Variants in SOAT1 observed in about 807,000 individuals in gnomAD.
SOAT1 encodes acyl-coenzyme A:cholesterol acyltransferase 1.
SOAT1 carries 55 observed loss-of-function variants against 69.5 expected under a neutral mutation model. The ratio of observed to expected loss-of-function variants is 0.79; its 90% CI spans 0.64 to 0.99. SOAT1 has a LOEUF of 0.99. Ranked by LOEUF, SOAT1 falls within the 50% of genes least tolerant of loss-of-function variation. SOAT1 has a pLI of 0.00. For missense variants in SOAT1, 580 were observed against 669.3 expected (o/e 0.87, Z 1.47); for synonymous variants, 231 against 224.7 (o/e 1.03, Z -0.25).
At chr1:179,333,995 A>G (rs192747706) in intron 3 of SOAT1, among the ~76,000 whole-genome samples, 2 of 152,374 alleles carry the variant, frequency 1.3e-5, no homozygotes, top group African/African-American at 4.8e-5. Context: ...GGCCTGTGCT[A>G]TACCAAGGCT....
Position 179,351,310 on chromosome 1 carries a change from T to C in SOAT1, c.1451-7T>C. ...TGTATATTTCTTTGTTGCCTTCCTA[T>C]TTTTAGTGGCTTTCAACTTCATTGT... On this transcript the variant is annotated splice_polypyrimidine_tract_variant and splice_region_variant and intron_variant, in intron 14 of 15. Coordinates refer to ENST00000367619, the MANE Select transcript of SOAT1 (RefSeq NM_003101.6). The C allele has an allele frequency of 6.2e-7, 1 of 1,613,508 alleles. No homozygotes were observed. Among genetic ancestry groups the C allele is most frequent in the Non-Finnish European group, 8.5e-7 (1 of 1,179,680 alleles).
intron 7 of SOAT1, among the ~76,000 whole-genome samples, chr1:179,341,797 T>G (rs149770566): frequency 0.031 from 4,687 of 152,252 alleles, 123 homozygotes; most frequent in Non-Finnish European, 0.049. Flanking sequence ...CCTCCCAAAG[T>G]GCTGAGATTA....
At chr1:179,332,771 T>A (rs1666014894) in intron 3 of SOAT1, among the ~76,000 whole-genome samples, 1 of 152,240 alleles carries the variant, frequency 6.6e-6, no homozygotes, top group South Asian at 2.1e-4. Flanking sequence ...ACAAGTTTCA[T>A]GTGATAGAAG....
intron 2 of SOAT1, among the ~76,000 whole-genome samples, chr1:179,315,176 G>T (rs1019700537): frequency 6.6e-6 from 1 of 152,204 alleles, no homozygotes; most frequent in African/African-American, 2.4e-5. Flanking sequence ...TGGGGATGGT[G>T]GCTCATCCTT....
chr1:179,335,995 C>T (rs1036672148), intron 4 of SOAT1, among the ~76,000 whole-genome samples: 42 of 151,984 alleles, frequency 2.8e-4, no homozygotes, highest in African/African-American at 9.7e-4. Flanking sequence ...AACCATTTGT[C>T]TCTACTAAAA....
At position 179,302,731 on chromosome 1, in the gene SOAT1, C is replaced by A. The variant is rs1664874827; in HGVS notation, c.47C>A (p.Ser16Tyr). The change falls in exon 2 of 16, where the codon TCC (serine) becomes TAC (tyrosine). Residue 16 changes from serine to tyrosine, a missense_variant. Coordinates refer to ENST00000367619, the MANE Select transcript of SOAT1 (RefSeq NM_003101.6). ...TCTCTAAGAAACCGGCTGTCAAAGT[C>A]CAGGGAAAATCCTGAGGAAGATGAA... ...KMSLRNRLSK[S>Y]RENPEEDEDQ... 3 of 1,610,764 alleles carry A rather than the reference C, an allele frequency of 1.9e-6. No homozygotes were observed. Among genetic ancestry groups the A allele is most frequent in the Admixed American group, 3.4e-5 (2 of 58,966 alleles).
intron 2 of SOAT1, among the ~76,000 whole-genome samples, chr1:179,313,572 G>A (rs1475298759): frequency 6.6e-6 from 1 of 151,038 alleles, no homozygotes; most frequent in African/African-American, 2.4e-5. Context: ...ATGTATATGT[G>A]TGTATATATA....
At chr1:179,337,061 A>G (rs1666185387) in intron 4 of SOAT1, among the ~76,000 whole-genome samples, 1 of 152,180 alleles carries the variant, frequency 6.6e-6, no homozygotes, top group African/African-American at 2.4e-5. Context: ...ATAAAGTACA[A>G]TGCGATTAGT....
chr1:179,342,479 T>C (rs1666375619), intron 8 of SOAT1, among the ~76,000 whole-genome samples: 1 of 152,152 alleles, frequency 6.6e-6, no homozygotes, highest in Non-Finnish European at 1.5e-5. Context: ...TCCATATTGA[T>C]TTTGAGGACC....
Position 179,342,910 on chromosome 1 carries a change from C to T in SOAT1, c.908C>T (p.Ala303Val). Residue 303 changes from alanine (A) to valine (V), a missense_variant, in exon 9 of 16, where the codon GCT (alanine) becomes GTT (valine). Ala to Val is a moderately conservative substitution (Grantham distance 64). Transcript: ENST00000367619. ...TVNQYLYFLF[A>V]PTLIYRDSYP... is the part of the protein sequence containing the mutation. Reference sequence around the variant, plus strand: ...AACCAGTATTTGTACTTCTTATTTGCTCCTACCCTTATCTACCGTGACAGC... The same window carrying T: ...AACCAGTATTTGTACTTCTTATTTGTTCCTACCCTTATCTACCGTGACAGC... 2 of 1,613,810 alleles carry T rather than the reference C, an allele frequency of 1.2e-6. No individual in the cohort carries two copies. The highest frequency in any genetic ancestry group is 1.7e-6 in the Non-Finnish European group (2 of 1,179,716).
At position 179,351,721 on chromosome 1, in the gene SOAT1, A is replaced by ATTTTTTTTT. The variant is rs71901753; in HGVS notation, c.1596+267_1596+275dup. 2.0e-3 allele frequency among the ~76,000 whole-genome samples: 213 copies of ATTTTTTTTT among 106,426 alleles called. 9 individuals carry two copies. The highest frequency in any genetic ancestry group is 5.0e-3 in the Middle Eastern group (1 of 202). The allele number at this position is 106,426 out of a possible 152,430, so 69.8% of individuals were successfully genotyped here. A position where few individuals can be genotyped will look rare whatever the true frequency, so the allele number is the denominator to read the frequency against. On this transcript the variant is annotated intron_variant, in intron 15 of 15. Coordinates refer to ENST00000367619, the MANE Select transcript of SOAT1 (RefSeq NM_003101.6). ...ACTGCCTTTTCTTCAGCCCCTTCTA[A>ATTTTTTTTT]TTTTTTTTTTTTTTTTGAGACAGAG... is the stretch of plus-strand genomic sequence containing the variant.
Position 179,333,719 on chromosome 1 carries a change from G to A in SOAT1, c.178-1787G>A, listed in dbSNP as rs1171256854. ...GTGGTGGTGCATACCTATAATCCTA[G>A]CTACTTGGGAGGCTAAGGCAAGAGA... On this transcript the variant is annotated intron_variant, in intron 3 of 15. Coordinates refer to ENST00000367619, the MANE Select transcript of SOAT1 (RefSeq NM_003101.6). 3.3e-5 allele frequency among the ~76,000 whole-genome samples: 5 copies of A among 151,950 alleles called. No individual in the cohort carries two copies. The East Asian group carries it at 9.6e-4, about 29-fold the overall frequency.
At chr1:179,330,305 G>A (rs1012583889) in intron 3 of SOAT1, among the ~76,000 whole-genome samples, 3 of 152,120 alleles carry the variant, frequency 2.0e-5, no homozygotes, top group Admixed American at 1.3e-4. Flanking sequence ...ATGGGTTTAG[G>A]GGGCAAGCTG....
chr1:179,299,054 G>A (rs1256584509), intron 1 of SOAT1, among the ~76,000 whole-genome samples: 1 of 152,166 alleles, frequency 6.6e-6, no homozygotes, highest in Non-Finnish European at 1.5e-5. Context: ...TAAGCCTAAT[G>A]TAAGAGACAG....
intron 7 of SOAT1, 142 bp downstream of exon 7, chr1:179,341,452 A>C: frequency 1.2e-6 from 1 of 822,232 alleles, no homozygotes. Context: ...TATCTGTAAA[A>C]TTGTTAAACT....
chr1:179,345,228 T>C (rs1487134788), intron 11 of SOAT1, 152 bp downstream of exon 11: 2 of 699,166 alleles, frequency 2.9e-6, no homozygotes, highest in Non-Finnish European at 2.4e-6. Context: ...ACTTTATAAA[T>C]GAAGTATCCT....
intron 2 of SOAT1, among the ~76,000 whole-genome samples, chr1:179,317,330 G>A (rs1405524989): frequency 2.0e-5 from 3 of 152,012 alleles, no homozygotes; most frequent in East Asian, 3.9e-4. Flanking sequence ...TCAGGAGATC[G>A]AGACCATCCT....
chr1:179,316,621 G>A (rs769652591), intron 2 of SOAT1, among the ~76,000 whole-genome samples: 16 of 152,136 alleles, frequency 1.1e-4, no homozygotes, highest in Admixed American at 2.6e-4. Flanking sequence ...TCAAACTGCC[G>A]ACCTCAGGTG....
chr1:179,327,442 G>A (rs1032525208), intron 3 of SOAT1, among the ~76,000 whole-genome samples: 5 of 152,082 alleles, frequency 3.3e-5, no homozygotes, highest in African/African-American at 4.8e-5. Context: ...TGTAGCTGAC[G>A]AAAACTTTTT....
Sources: gnomAD v4.1 joint callset for allele counts (sites outside exome capture counted in the v4.1 genomes callset) on GRCh38, gnomAD v4.1.1 for gene constraint, MANE v1.5 for transcripts, NCBI Gene and HGNC (gene_info 2026-07-23, HGNC 2026-07-21) for gene names.